FHIT: variants seen among roughly 807,000 people sequenced by gnomAD.
The protein encoded by FHIT is bis(5'-adenosyl)-triphosphatase.
FHIT carries 19 observed loss-of-function variants against 17.9 expected under a neutral mutation model. The observed-to-expected ratio is 1.06, with a 90% CI of 0.74 to 1.56. FHIT has a LOEUF of 1.56. FHIT is among the 40% of genes most tolerant of loss of function. FHIT has a pLI of 0.00. For synonymous variants in FHIT, 81 were observed against 69.7 expected, an observed-to-expected ratio of 1.16 and a Z score of -0.81; for missense variants, 248 against 189.2, an observed-to-expected ratio of 1.31 and a Z score of -1.82.
intron 5 of FHIT, among the ~76,000 whole-genome samples, chr3:60,400,346 T>C (rs1701613912): frequency 6.6e-6 from 1 of 152,126 alleles, no homozygotes; most frequent in South Asian, 2.1e-4. Flanking sequence ...GCCTGGGGCC[T>C]GCAGAGGAAA....
intron 5 of FHIT, among the ~76,000 whole-genome samples, chr3:60,371,793 ATGAT>A (rs1438236895): frequency 2.6e-5 from 4 of 151,922 alleles, no homozygotes; most frequent in African/African-American, 7.2e-5. Context: ...AGAGAGAGCA[ATGAT>A]TGATTATTTG....
At chr3:61,208,165 C>A (rs2039318236) in intron 1 of FHIT, among the ~76,000 whole-genome samples, 1 of 152,170 alleles carries the variant, frequency 6.6e-6, no homozygotes, top group Non-Finnish European at 1.5e-5. Flanking sequence ...TTTGATTGCA[C>A]TGTGGTCTGA....
chr3:61,078,937 G>T lies in FHIT; in HGVS notation c.-163-36838C>A, dbSNP rs567884959. Among the ~76,000 whole-genome samples the T allele has an allele frequency of 1.2e-4, 19 of 152,046 alleles. No homozygotes were observed. In the East Asian group the frequency reaches 2.5e-3, roughly 20 times the overall value. Reference sequence around the variant, plus strand: ...TTTTCATATATGAATACAATTTAAAGAACATTTTCTTCTATGTCCTTTTTC... The same window carrying T: ...TTTTCATATATGAATACAATTTAAATAACATTTTCTTCTATGTCCTTTTTC... On this transcript the variant is annotated intron_variant, in intron 2 of 9. Transcript: ENST00000492590.
chr3:60,049,522 AG>A (rs1701788616), intron 5 of FHIT, among the ~76,000 whole-genome samples: 2 of 152,212 alleles, frequency 1.3e-5, no homozygotes, highest in Non-Finnish European at 2.9e-5. Context: ...ATGAAAATTT[AG>A]CCTCTGATTT....
chr3:59,832,376 AT>A (rs1002921153), intron 8 of FHIT, among the ~76,000 whole-genome samples: 3 of 151,016 alleles, frequency 2.0e-5, no homozygotes, highest in African/African-American at 4.9e-5. Context: ...CTCCTCAATT[AT>A]TTTTTTTTCT....
At chr3:60,423,521 C>T (rs757520915) in intron 5 of FHIT, among the ~76,000 whole-genome samples, 8 of 152,078 alleles carry the variant, frequency 5.3e-5, no homozygotes, top group Non-Finnish European at 1.2e-4. Flanking sequence ...ATATCTTAGA[C>T]TTCATAGAGA....
intron 4 of FHIT, among the ~76,000 whole-genome samples, chr3:60,573,788 C>T (rs574367914): frequency 3.9e-5 from 6 of 151,910 alleles, no homozygotes; most frequent in East Asian, 3.9e-4. Flanking sequence ...ATTCATTCTG[C>T]GTTCATTTAT....
At chr3:61,235,386 A>G (rs1393328976) in intron 1 of FHIT, among the ~76,000 whole-genome samples, 2 of 152,172 alleles carry the variant, frequency 1.3e-5, no homozygotes, top group Admixed American at 1.3e-4. Context: ...GAAAATCTAC[A>G]TAAAGATCTT....
rs58083993 is a variant in FHIT, at chr3:59,927,463, T to TA, written c.280-5050dup. ...ATTATATCTCAATAAAGCTATTACTTAAAAAAAAAAAAAAAAACTGAAGGC... is the reference window on the plus strand; with the variant it reads ...ATTATATCTCAATAAAGCTATTACTTAAAAAAAAAAAAAAAAAACTGAAGGC... On this transcript the variant is annotated intron_variant, in intron 7 of 9. Coordinates refer to ENST00000492590, the MANE Select transcript of FHIT (RefSeq NM_002012.4). 4.1e-3 allele frequency among the ~76,000 whole-genome samples: 539 copies of TA among 130,246 alleles called. 2 individuals are homozygous for TA. The highest frequency in any genetic ancestry group is 7.9e-3 in the Admixed American group (106 of 13,442). 85.4% of individuals were successfully genotyped at this position (130,246 alleles called of 152,430 possible).
chr3:60,041,848 A>G (rs1371713755), intron 5 of FHIT, among the ~76,000 whole-genome samples: 1 of 152,228 alleles, frequency 6.6e-6, no homozygotes, highest in Non-Finnish European at 1.5e-5. Flanking sequence ...AGGTTTACCC[A>G]TTATTACCAA....
chr3:60,927,299 T>A (rs1033680286), intron 3 of FHIT, among the ~76,000 whole-genome samples: 6 of 152,230 alleles, frequency 3.9e-5, no homozygotes, highest in Non-Finnish European at 8.8e-5. Context: ...GCTCACTCAG[T>A]GCTCAATGTT....
chr3:60,739,781 C>A (rs2042206005), intron 4 of FHIT, among the ~76,000 whole-genome samples: 1 of 152,258 alleles, frequency 6.6e-6, no homozygotes. Context: ...AATTAATGAG[C>A]CATACACCCA....
At chr3:60,744,270 A>AAAAAAAAAAAAAAAAAAAAAAAAAAAAAC (rs1577150242) in intron 4 of FHIT, among the ~76,000 whole-genome samples, 3 of 22,518 alleles carry the variant, frequency 1.3e-4, no homozygotes, top group African/African-American at 3.9e-4. Context: ...AAACAAAACA[A>AAAAAAAAAAAAAAAAAAAAAAAAAAAAAC]AAAAAAAAAA....
At chr3:59,990,292 T>G (rs1245120509) in intron 7 of FHIT, among the ~76,000 whole-genome samples, 1 of 152,038 alleles carries the variant, frequency 6.6e-6, no homozygotes, top group East Asian at 1.9e-4. Flanking sequence ...AGGGGAATGA[T>G]CTGAATGTTT....
At chr3:60,209,158 G>A (rs1191839328) in intron 5 of FHIT, among the ~76,000 whole-genome samples, 13 of 152,070 alleles carry the variant, frequency 8.5e-5, no homozygotes, top group Admixed American at 8.5e-4. Context: ...TATGAACCTA[G>A]TGATTAACAT....
chr3:60,214,541 G>T (rs1485726477), intron 5 of FHIT, among the ~76,000 whole-genome samples: 1 of 152,078 alleles, frequency 6.6e-6, no homozygotes, highest in East Asian at 1.9e-4. Context: ...ACAGAGTAAA[G>T]GGAACACTTA....
intron 2 of FHIT, among the ~76,000 whole-genome samples, chr3:61,137,481 T>G (rs571957882): frequency 2.0e-5 from 3 of 152,216 alleles, no homozygotes; most frequent in African/African-American, 7.2e-5. Context: ...CTTACCTCTT[T>G]CAGAGCCCTG....
At chr3:60,093,608 G>A (rs1414455176) in intron 5 of FHIT, among the ~76,000 whole-genome samples, 55 of 152,178 alleles carry the variant, frequency 3.6e-4, no homozygotes, top group Admixed American at 3.5e-3. Context: ...CACACAGCAG[G>A]AGGTGAGTGG....
intron 8 of FHIT, among the ~76,000 whole-genome samples, chr3:59,795,202 A>G (rs1422117357): frequency 2.0e-5 from 3 of 152,114 alleles, no homozygotes; most frequent in African/African-American, 7.2e-5. Context: ...CCTGGCCAAC[A>G]TGGTGAAACC....
Sources: gnomAD v4.1 joint callset for allele counts (sites outside exome capture counted in the v4.1 genomes callset) on GRCh38, gnomAD v4.1.1 for gene constraint, MANE v1.5 for transcripts, NCBI Gene and HGNC (gene_info 2026-07-23, HGNC 2026-07-21) for gene names.